Variants in ADGRL3 observed in about 807,000 individuals in gnomAD.
ADGRL3 encodes calcium-independent alpha-latrotoxin receptor 3.
Under a neutral mutation model 153.5 loss-of-function variants are expected in ADGRL3, and 62 were observed. The observed-to-expected ratio is 0.40, with a 90% confidence interval of 0.33 to 0.50. ADGRL3 has a LOEUF of 0.50. Ranked by LOEUF, ADGRL3 falls within the 20% of genes least tolerant of loss-of-function variation. The pLI is 0.47. For missense variants in ADGRL3, 1,641 were observed against 1,859.4 expected, an observed-to-expected ratio of 0.88 and a Z score of 2.16; for synonymous variants, 710 against 672.5, an observed-to-expected ratio of 1.06 and a Z score of -0.86.
At chr4:61,387,216 T>A (rs1202127022) in intron 2 of ADGRL3, among the ~76,000 whole-genome samples, 3 of 151,890 alleles carry the variant, frequency 2.0e-5, no homozygotes, top group Non-Finnish European at 2.9e-5. Context: ...TGCGAAGAGG[T>A]GTGGGTGACA....
intron 25 of ADGRL3, among the ~76,000 whole-genome samples, chr4:62,056,566 T>C (rs1008707113): frequency 1.3e-5 from 2 of 152,020 alleles, no homozygotes; most frequent in Non-Finnish European, 2.9e-5. Flanking sequence ...TACACTGAAG[T>C]TGGTGTTCTA....
chr4:61,505,367 G>T (rs1179008917), intron 3 of ADGRL3, among the ~76,000 whole-genome samples: 1 of 151,732 alleles, frequency 6.6e-6, no homozygotes, highest in Non-Finnish European at 1.5e-5. Flanking sequence ...CATTCTTGTG[G>T]GTTGTCTCCT....
chr4:61,644,856 C>T lies in ADGRL3; in HGVS notation c.474-31970C>T, dbSNP rs890737681. Among the ~76,000 whole-genome samples the T allele has an allele frequency of 2.4e-4, 37 of 151,968 alleles. No individual in the cohort carries two copies. In the East Asian group the frequency reaches 3.7e-3, roughly 15 times the overall value. Reference sequence around the variant, plus strand: ...GGGTATCCTTGTTGACTTTCTGTCTCGTTGATCTGTCTAATGTTGACAGTG... The same window carrying T: ...GGGTATCCTTGTTGACTTTCTGTCTTGTTGATCTGTCTAATGTTGACAGTG... On this transcript the variant is annotated intron_variant, in intron 5 of 26. Coordinates refer to ENST00000683033, the MANE Select transcript of ADGRL3 (RefSeq NM_001387552.1).
At chr4:61,767,410 A>C (rs1237354000) in intron 8 of ADGRL3, among the ~76,000 whole-genome samples, 1 of 152,040 alleles carries the variant, frequency 6.6e-6, no homozygotes, top group Admixed American at 6.5e-5. Flanking sequence ...GAGGCAAGGG[A>C]AACAGACCCT....
rs977428011 is a variant in ADGRL3 at position 62,059,335 on chromosome 4, A to C, written c.3815-8831A>C. On this transcript the variant is annotated intron_variant, in intron 25 of 26. Transcript: ENST00000683033. ...TACACTTTGCAAAACACTAATCATC[A>C]AATTCCATTTCTTTCTTTTTTGTTT... 2.0e-5 allele frequency among the ~76,000 whole-genome samples: 3 copies of C among 152,140 alleles called. No individual in the cohort carries two copies. In the South Asian group the frequency reaches 6.2e-4, roughly 32 times the overall value.
chr4:61,831,873 A>G (rs182161200), intron 9 of ADGRL3, among the ~76,000 whole-genome samples: 59 of 152,088 alleles, frequency 3.9e-4, no homozygotes, highest in Non-Finnish European at 6.6e-4. Flanking sequence ...GGCAAGCATA[A>G]CCAGAATGAA....
At chr4:61,254,884 CT>C (rs1426636806) in intron 1 of ADGRL3, among the ~76,000 whole-genome samples, 1 of 151,992 alleles carries the variant, frequency 6.6e-6, no homozygotes, top group African/African-American at 2.4e-5. Flanking sequence ...TATTTTTTGT[CT>C]TTCAGTATCA....
chr4:61,999,392 C>T (rs923980111), intron 21 of ADGRL3, among the ~76,000 whole-genome samples: 18 of 152,080 alleles, frequency 1.2e-4, no homozygotes, highest in Admixed American at 2.6e-4. Context: ...TAGTTGCAGT[C>T]CTTGATATAA....
At chr4:61,541,767 C>T (rs2098691155) in intron 4 of ADGRL3, among the ~76,000 whole-genome samples, 1 of 151,428 alleles carries the variant, frequency 6.6e-6, no homozygotes, top group Non-Finnish European at 1.5e-5. Flanking sequence ...CTTATCAAAG[C>T]AAATAATCTG....
At chr4:61,597,818 T>G (rs182651619) in intron 5 of ADGRL3, among the ~76,000 whole-genome samples, 1 of 152,252 alleles carries the variant, frequency 6.6e-6, no homozygotes, top group African/African-American at 2.4e-5. Context: ...ACACTCATTT[T>G]TATCTTCTTT....
At chr4:61,552,883 G>A (rs988916913) in intron 4 of ADGRL3, among the ~76,000 whole-genome samples, 1 of 152,024 alleles carries the variant, frequency 6.6e-6, no homozygotes, top group Non-Finnish European at 1.5e-5. Context: ...TCTTCATATA[G>A]TGTCCTATAT....
At chr4:61,956,778 A>G (rs2098968693) in intron 17 of ADGRL3, among the ~76,000 whole-genome samples, 1 of 152,144 alleles carries the variant, frequency 6.6e-6, no homozygotes, top group Non-Finnish European at 1.5e-5. Flanking sequence ...TCCCAGCACC[A>G]TTTATTGAAT....
chr4:61,520,493 T>C (rs1341220878), intron 4 of ADGRL3, among the ~76,000 whole-genome samples: 1 of 152,208 alleles, frequency 6.6e-6, no homozygotes, highest in Non-Finnish European at 1.5e-5. Flanking sequence ...TTAAAGTTCA[T>C]CTTTTGCAAG....
chr4:61,369,837 C>T (rs1028935923), intron 1 of ADGRL3, among the ~76,000 whole-genome samples: 6 of 151,986 alleles, frequency 3.9e-5, no homozygotes, highest in Admixed American at 1.3e-4. Flanking sequence ...TGGTAGAATT[C>T]GGCTGTGAAT....
chr4:61,963,861 A>C (rs2098997014), intron 17 of ADGRL3, among the ~76,000 whole-genome samples: 1 of 152,174 alleles, frequency 6.6e-6, no homozygotes, highest in Non-Finnish European at 1.5e-5. Context: ...TTCTAGTGAG[A>C]AACGTTTTGT....
chr4:61,925,954 A>C (rs746296071), intron 13 of ADGRL3, among the ~76,000 whole-genome samples: 1 of 152,188 alleles, frequency 6.6e-6, no homozygotes, highest in Non-Finnish European at 1.5e-5. Context: ...TTTTGTTGTC[A>C]TGCAAACATC....
At chr4:61,408,627 A>T (rs1389700595) in intron 2 of ADGRL3, among the ~76,000 whole-genome samples, 2 of 151,988 alleles carry the variant, frequency 1.3e-5, no homozygotes, top group African/African-American at 4.8e-5. Flanking sequence ...CCAATATTTA[A>T]ATTGGAAATA....
At chr4:61,259,638 G>C (rs1470334236) in intron 1 of ADGRL3, among the ~76,000 whole-genome samples, 5 of 152,006 alleles carry the variant, frequency 3.3e-5, no homozygotes, top group Non-Finnish European at 7.4e-5. Context: ...CCATATGCTC[G>C]CCGCTGAAAT....
At chr4:62,068,090 T>G (rs1743967284) in intron 25 of ADGRL3, 76 bp from the exon 26 acceptor site, 1 of 994,928 alleles carries the variant, frequency 1.0e-6, no homozygotes, top group Non-Finnish European at 1.4e-6. Flanking sequence ...AATTTGCTTT[T>G]TACTCATGTT....
Sources: allele counts gnomAD v4.1 joint callset (sites outside exome capture counted in the v4.1 genomes callset), GRCh38; gene constraint gnomAD v4.1.1; transcripts MANE v1.5; gene names NCBI Gene and HGNC (gene_info 2026-07-23, HGNC 2026-07-21).